The following HCN1 variants were observed in gnomAD, a reference collection of about 807,000 sequenced individuals.
The protein encoded by HCN1 is potassium/sodium hyperpolarization-activated cyclic nucleotide-gated channel 1.
HCN1 carries 13 observed loss-of-function variants against 78.9 expected under a neutral mutation model. The ratio of observed to expected loss-of-function variants is 0.16; its 90% CI spans 0.11 to 0.26. The LOEUF is 0.26. HCN1 is among the 10% of genes least tolerant of loss of function. HCN1 has a pLI of 1.00. For synonymous variants in HCN1, 552 were observed against 455.5 expected (o/e 1.21, Z -2.70); for missense variants, 810 against 1,154.3 (o/e 0.70, Z 4.32).
At chr5:45,672,003 C>A (rs1373254018) in intron 1 of HCN1, among the ~76,000 whole-genome samples, 2 of 151,496 alleles carry the variant, frequency 1.3e-5, no homozygotes, top group Non-Finnish European at 3.0e-5. Flanking sequence ...GAAATTCTTT[C>A]TTTCCTGAAT....
intron 2 of HCN1, among the ~76,000 whole-genome samples, chr5:45,640,989 T>G (rs1263741663): frequency 6.6e-6 from 1 of 151,736 alleles, no homozygotes; most frequent in South Asian, 2.1e-4. Context: ...GGTGCAAATA[T>G]GAAGTGACAA....
intron 2 of HCN1, among the ~76,000 whole-genome samples, chr5:45,484,096 T>G (rs1482038170): frequency 2.0e-5 from 3 of 152,162 alleles, no homozygotes; most frequent in Non-Finnish European, 4.4e-5. Flanking sequence ...GTGAAAGCTG[T>G]ATTTTAAACA....
chr5:45,278,736 GA>G (rs756808743), intron 6 of HCN1, among the ~76,000 whole-genome samples: 13 of 152,134 alleles, frequency 8.5e-5, no homozygotes, highest in South Asian at 2.1e-4. Flanking sequence ...ATAATGATAA[GA>G]AAATATATTT....
chr5:45,428,594 T>C (rs1561151208), intron 3 of HCN1, among the ~76,000 whole-genome samples: 1 of 152,130 alleles, frequency 6.6e-6, no homozygotes, highest in East Asian at 1.9e-4. Flanking sequence ...TAACTTTGTT[T>C]TACTAGCAAT....
intron 2 of HCN1, among the ~76,000 whole-genome samples, chr5:45,478,164 C>A (rs1023462928): frequency 6.6e-6 from 1 of 151,854 alleles, no homozygotes; most frequent in African/African-American, 2.4e-5. Context: ...AAAAAAAATT[C>A]ATATACTTTG....
chr5:45,645,740 A>G, intron 1 of HCN1, 132 bp from the exon 2 acceptor site: 1 of 576,614 alleles, frequency 1.7e-6, no homozygotes. Context: ...TTTTTTAAAA[A>G]TGTAATTCCT....
At chr5:45,340,560 C>T (rs1452104225) in intron 5 of HCN1, among the ~76,000 whole-genome samples, 1 of 152,170 alleles carries the variant, frequency 6.6e-6, no homozygotes, top group East Asian at 1.9e-4. Flanking sequence ...CTCCAGGCCC[C>T]TGAGAATCCA....
chr5:45,634,908 A>G (rs926654493), intron 2 of HCN1, among the ~76,000 whole-genome samples: 6 of 152,110 alleles, frequency 3.9e-5, no homozygotes, highest in Non-Finnish European at 8.8e-5. Flanking sequence ...ATATTTTCAC[A>G]CAATGAAGAA....
At chr5:45,629,863 A>G (rs1423130632) in intron 2 of HCN1, among the ~76,000 whole-genome samples, 2 of 152,360 alleles carry the variant, frequency 1.3e-5, no homozygotes, top group East Asian at 3.9e-4. Flanking sequence ...TTAATAAATT[A>G]TTAAACTCAC....
intron 6 of HCN1, among the ~76,000 whole-genome samples, chr5:45,292,355 C>T (rs749029123): frequency 1.3e-5 from 2 of 152,000 alleles, no homozygotes; most frequent in African/African-American, 4.8e-5. Context: ...ACACTAGCCA[C>T]ATTTTAAATG....
At chr5:45,374,786 G>A (rs1258566787) in intron 4 of HCN1, among the ~76,000 whole-genome samples, 4 of 145,760 alleles carry the variant, frequency 2.7e-5, no homozygotes, top group Middle Eastern at 3.5e-3. Flanking sequence ...ATATATATGT[G>A]TGTATATATA....
chr5:45,357,518 G>T (rs1747026363), intron 4 of HCN1, among the ~76,000 whole-genome samples: 1 of 151,768 alleles, frequency 6.6e-6, no homozygotes, highest in African/African-American at 2.4e-5. Flanking sequence ...CCTTTTCGTT[G>T]ATCATTTATT....
chr5:45,369,297 C>G (rs1397762985), intron 4 of HCN1, among the ~76,000 whole-genome samples: 1 of 152,060 alleles, frequency 6.6e-6, no homozygotes, highest in Non-Finnish European at 1.5e-5. Flanking sequence ...TTCTAATTGG[C>G]TTGTTTCCCC....
At chr5:45,338,226 T>C (rs760205747) in intron 5 of HCN1, among the ~76,000 whole-genome samples, 11 of 152,148 alleles carry the variant, frequency 7.2e-5, no homozygotes, top group Non-Finnish European at 1.3e-4. Context: ...GCAAAAGTCA[T>C]TTGTATAAGT....
intron 1 of HCN1, among the ~76,000 whole-genome samples, chr5:45,654,508 A>G (rs1182279346): frequency 1.3e-5 from 2 of 152,126 alleles, no homozygotes; most frequent in Non-Finnish European, 2.9e-5. Context: ...AGGAAAGCAA[A>G]AATACTGTCA....
intron 2 of HCN1, among the ~76,000 whole-genome samples, chr5:45,633,460 G>A (rs1388697715): frequency 2.0e-5 from 3 of 151,892 alleles, no homozygotes; most frequent in Non-Finnish European, 4.4e-5. Flanking sequence ...TAAATAGATA[G>A]TGGAGGTCTT....
intron 2 of HCN1, among the ~76,000 whole-genome samples, chr5:45,488,394 T>C (rs561073806): frequency 6.6e-6 from 1 of 152,224 alleles, no homozygotes; most frequent in South Asian, 2.1e-4. Context: ...ACTAATAATA[T>C]TGGCATTGAG....
chr5:45,671,692 CTATT>C (rs1187948932), intron 1 of HCN1, among the ~76,000 whole-genome samples: 1 of 151,332 alleles, frequency 6.6e-6, no homozygotes, highest in Non-Finnish European at 1.5e-5. Context: ...AGTTGTATAA[CTATT>C]TATAGTTCAC....
chr5:45,314,679 T>G (rs539601058), intron 5 of HCN1, among the ~76,000 whole-genome samples: 1 of 152,176 alleles, frequency 6.6e-6, no homozygotes, highest in Admixed American at 6.5e-5. Flanking sequence ...CCATCTCACA[T>G]GCAGAGACAC....
Sources: gnomAD v4.1 joint callset for allele counts (sites outside exome capture counted in the v4.1 genomes callset) on GRCh38, gnomAD v4.1.1 for gene constraint, MANE v1.5 for transcripts, NCBI Gene and HGNC (gene_info 2026-07-23, HGNC 2026-07-21) for gene names.